The following STOX2 variants were observed in gnomAD, a reference collection of about 807,000 sequenced individuals.
The protein encoded by STOX2 is storkhead-box protein 2.
STOX2 carries 28 observed loss-of-function variants against 60.9 expected under a neutral mutation model. The observed-to-expected ratio is 0.46, with a 90% CI of 0.34 to 0.63. The LOEUF (loss-of-function observed/expected upper bound fraction) is 0.63. STOX2 is among the 30% of genes least tolerant of loss of function. STOX2 has a pLI of 0.01. For missense variants in STOX2, 1,024 were observed against 1,187.7 expected (o/e 0.86, Z 2.03); for synonymous variants, 472 against 463.9 (o/e 1.02, Z -0.22).
At chr4:183,819,662 T>G (rs1739261549) in intron 1 of STOX2, among the ~76,000 whole-genome samples, 1 of 151,964 alleles carries the variant, frequency 6.6e-6, no homozygotes, top group Non-Finnish European at 1.5e-5. Context: ...TGCTTTGATG[T>G]TTTTCATTGA....
chr4:183,903,752 T>C (rs1420571791), upstream of STOX2, among the ~76,000 whole-genome samples: 1 of 152,202 alleles, frequency 6.6e-6, no homozygotes, highest in Non-Finnish European at 1.5e-5. Context: ...TAATACAACT[T>C]GTTATTACCT....
At chr4:184,015,732 C>A (rs1370894493) in intron 3 of STOX2, 1 of 152,194 alleles carries the variant, frequency 6.6e-6, no homozygotes, top group Non-Finnish European at 1.5e-5. Context: ...TGTTAACTAG[C>A]TCTAGCAGGC....
intron 1 of STOX2, among the ~76,000 whole-genome samples, chr4:183,899,104 T>C (rs985025026): frequency 9.9e-5 from 15 of 152,188 alleles, no homozygotes; most frequent in Non-Finnish European, 2.1e-4. Flanking sequence ...TTGATGTTAT[T>C]ATTGTAATTG....
intron 1 of STOX2, among the ~76,000 whole-genome samples, chr4:183,848,309 C>T (rs1263927656): frequency 6.6e-6 from 1 of 152,156 alleles, no homozygotes; most frequent in African/African-American, 2.4e-5. Flanking sequence ...GCCTCTTGAT[C>T]TCAAGATGGT....
chr4:183,963,281 T>C (rs1743463719), intron 1 of STOX2, among the ~76,000 whole-genome samples: 1 of 152,212 alleles, frequency 6.6e-6, no homozygotes, highest in Admixed American at 6.5e-5. Context: ...ATGGGTTTTA[T>C]TATGACGTCA....
intron 1 of STOX2, among the ~76,000 whole-genome samples, chr4:183,989,169 GTTTTTTTTTTTTT>G (rs11421201): frequency 1.2e-5 from 1 of 80,012 alleles, no homozygotes; most frequent in Non-Finnish European, 2.3e-5. Context: ...ATTTTTTCTG[GTTTTTTTTTTTTT>G]TTTTTTTTTT....
intron 1 of STOX2, among the ~76,000 whole-genome samples, chr4:183,956,259 TTTTAA>T (rs1339453225): frequency 6.6e-6 from 1 of 152,206 alleles, no homozygotes; most frequent in African/African-American, 2.4e-5. Flanking sequence ...TCCCACCAGC[TTTTAA>T]TTTATTTCTT....
At chr4:184,003,938 C>A (rs1733703132) in intron 2 of STOX2, among the ~76,000 whole-genome samples, 1 of 121,254 alleles carries the variant, frequency 8.2e-6, no homozygotes, top group Admixed American at 8.5e-5. Context: ...TCCTTCCCTT[C>A]CTTCCTTTGA....
chr4:183,948,214 A>G, intron 1 of STOX2, among the ~76,000 whole-genome samples: 1 of 83,034 alleles, frequency 1.2e-5, no homozygotes, highest in African/African-American at 4.5e-5. Flanking sequence ...GCAAAACTCC[A>G]TCTCAAAAAA....
intron 1 of STOX2, among the ~76,000 whole-genome samples, chr4:183,997,654 G>A (rs543047398): frequency 8.1e-4 from 123 of 152,304 alleles, no homozygotes; most frequent in Non-Finnish European, 1.2e-3. Context: ...TAGAATCCAG[G>A]GGACAGGCCA....
Position 183,995,935 on chromosome 4 carries a change from GC to G in STOX2, c.167-5386del, listed in dbSNP as rs1429565728. On this transcript the variant is annotated intron_variant, in intron 1 of 3. Transcript: ENST00000308497. The stretch of plus-strand genomic sequence containing the variant: ...CTCCTGGAGGGGGTCCGTCTTCCAT[GC>G]CCCTCATCATCCACCCGGCTACTCT... Among the ~76,000 whole-genome samples, 23 of 152,306 alleles carry G rather than the reference GC, an allele frequency of 1.5e-4. No homozygotes were observed. In the Middle Eastern group the frequency reaches 0.01, roughly 68 times the overall value.
At chr4:183,827,193 C>CA (rs1739454344) in intron 1 of STOX2, among the ~76,000 whole-genome samples, 1 of 152,136 alleles carries the variant, frequency 6.6e-6, no homozygotes, top group South Asian at 2.1e-4. Context: ...TGAAAAATGT[C>CA]AGTCATTTAT....
rs1015937769 is a variant in STOX2 at position 183,856,122 on chromosome 4, A to G, written c.364+58067A>G. Among the ~76,000 whole-genome samples, 3 of 152,036 alleles carry G rather than the reference A, an allele frequency of 2.0e-5. No homozygotes were observed. The highest frequency in any genetic ancestry group is 2.9e-5 in the Non-Finnish European group (2 of 68,018). The stretch of plus-strand genomic sequence containing the variant: ...CCTCTCAGAAACATCCTAAGTGCGC[A>G]CCCTGGGGTCTCGAATAGGCTGGTC... On this transcript the variant is annotated intron_variant, in intron 1 of 2. Transcript: ENST00000513034. The surrounding 1 kb of genome is among the most constrained non-coding windows in gnomAD (Gnocchi z 4.0).
chr4:183,861,561 C>T (rs375399303), intron 1 of STOX2, among the ~76,000 whole-genome samples: 2 of 152,204 alleles, frequency 1.3e-5, no homozygotes, highest in African/African-American at 4.8e-5. Context: ...GGAGTTGGAA[C>T]ACACTGGCTT....
intron 1 of STOX2, among the ~76,000 whole-genome samples, chr4:183,965,746 G>A (rs1743547677): frequency 2.0e-5 from 3 of 152,138 alleles, no homozygotes; most frequent in Admixed American, 1.3e-4. Flanking sequence ...TGTGGGGGGC[G>A]GTTTCCAGTA....
chr4:184,011,112 G>C lies in STOX2; in HGVS notation c.2274G>C (p.Gln758His), dbSNP rs747085521. Residue 758 changes from glutamine (Q) to histidine (H), a missense_variant, in exon 3 of 4, where the codon CAG becomes CAC. By Grantham distance (24) the Gln-to-His change is conservative. This residue lies in a region of STOX2 where 922 missense variants were observed against 1,058.3 expected (regional missense o/e 0.87). Coordinates refer to ENST00000308497, the MANE Select transcript of STOX2 (RefSeq NM_020225.3). The surrounding 1 kb of genome is among the most constrained non-coding windows in gnomAD (Gnocchi z 4.4). ...TSAAQAMPAS[Q>H]RQQESGGNQE... ...CGGCACAAGCCATGCCTGCTTCCCA[G>C]CGTCAGCAGGAGTCAGGAGGGAACC... 6.9e-6 allele frequency: 11 copies of C among 1,587,468 alleles called. No homozygotes were observed. The highest frequency in any genetic ancestry group is 8.6e-6 in the Non-Finnish European group (10 of 1,168,608).
Position 184,010,551 on chromosome 4 carries a change from C to G in STOX2, c.1713C>G (p.Ser571Arg), listed in dbSNP as rs756828651. ...SGSKEPSSACSLLEPGKPPES... is the reference protein window; with the variant it reads ...SGSKEPSSACRLLEPGKPPES... Reference sequence around the variant, plus strand: ...GCAAGGAACCGTCCAGCGCTTGCAGCCTTTTGGAGCCAGGAAAACCACCCG... The same window carrying G: ...GCAAGGAACCGTCCAGCGCTTGCAGGCTTTTGGAGCCAGGAAAACCACCCG... Residue 571 changes from serine (S) to arginine (R), a missense_variant, in exon 3 of 4, where the codon AGC (serine) becomes AGG (arginine). Physicochemically the swap from Ser to Arg is moderately radical, Grantham distance 110. This residue lies in a region of STOX2 where 922 missense variants were observed against 1,058.3 expected (regional missense o/e 0.87). Transcript: ENST00000308497. This position sits in a 1 kb window ranked among gnomAD's most constrained non-coding sequence, Gnocchi z 4.5. 3.1e-6 allele frequency: 5 copies of G among 1,613,870 alleles called. No homozygotes were observed. In the Admixed American group the frequency reaches 5.0e-5, roughly 16 times the overall value.
upstream of STOX2, chr4:183,905,238 G>A (rs1298809623): frequency 6.6e-6 from 1 of 152,316 alleles, no homozygotes; most frequent in Non-Finnish European, 1.5e-5. Context: ...AGGCCCGGGC[G>A]GCGCATTGGC....
chr4:184,015,109 T>TCTTCACA (rs1484600068), intron 3 of STOX2: 29 of 152,216 alleles, frequency 1.9e-4, no homozygotes, highest in African/African-American at 7.0e-4. Flanking sequence ...GCTTACTTCT[T>TCTTCACA]CTTCACAGTC....
Sources: gnomAD v4.1 joint callset for allele counts (sites outside exome capture counted in the v4.1 genomes callset) on GRCh38, gnomAD v4.1.1 for gene constraint, gnomAD v4.1.1 regional missense constraint, Gnocchi (gnomAD v3.1) non-coding constraint, MANE v1.5 for transcripts, NCBI Gene and HGNC (gene_info 2026-07-23, HGNC 2026-07-21) for gene names.